Variants in RBFOX1 observed in about 807,000 individuals in gnomAD.
RBFOX1 encodes RNA binding fox-1 homolog 1, also known as RNA binding protein fox-1 homolog 1.
Under a neutral mutation model 57.7 loss-of-function variants are expected in RBFOX1, and 8 were observed. That is an observed-to-expected ratio of 0.14 (90% CI 0.08 to 0.25). The LOEUF (loss-of-function observed/expected upper bound fraction) is 0.25, where lower values mean the gene tolerates loss of function less well. Ranked by LOEUF, RBFOX1 falls within the 10% of genes least tolerant of loss-of-function variation. RBFOX1 has a pLI of 1.00. For synonymous variants in RBFOX1, 326 were observed against 222.4 expected, an observed-to-expected ratio of 1.47 and a Z score of -4.15; for missense variants, 611 against 548.5, an observed-to-expected ratio of 1.11 and a Z score of -1.14.
intron 2 of RBFOX1, among the ~76,000 whole-genome samples, chr16:6,337,040 A>C (rs904824807): frequency 6.6e-6 from 1 of 152,214 alleles, no homozygotes; most frequent in Admixed American, 6.5e-5. Flanking sequence ...AGCATTTTTC[A>C]ATCTGACCCA....
chr16:7,005,752 G>T (rs968735895), intron 3 of RBFOX1, among the ~76,000 whole-genome samples: 5 of 152,192 alleles, frequency 3.3e-5, no homozygotes, highest in Non-Finnish European at 7.3e-5. Context: ...TCTGAACTCA[G>T]TCCAAAACAT....
At chr16:5,358,942 C>T (rs1028116429) in intron 1 of RBFOX1, among the ~76,000 whole-genome samples, 3 of 152,194 alleles carry the variant, frequency 2.0e-5, no homozygotes, top group Admixed American at 6.5e-5. Flanking sequence ...TTATTCCTCC[C>T]CACCTCTCCC....
intron 3 of RBFOX1, among the ~76,000 whole-genome samples, chr16:7,016,692 C>G (rs187137062): frequency 2.0e-5 from 3 of 152,176 alleles, no homozygotes; most frequent in Non-Finnish European, 2.9e-5. Context: ...TCACATGTGA[C>G]TGATGCCTAT....
At chr16:6,872,548 T>G (rs558668785) in intron 3 of RBFOX1, among the ~76,000 whole-genome samples, 56 of 152,298 alleles carry the variant, frequency 3.7e-4, no homozygotes, top group African/African-American at 1.2e-3. Context: ...CTGTTTATAT[T>G]GGAAACATTC....
chr16:6,268,274 C>T (rs1167019724), intron 1 of RBFOX1, among the ~76,000 whole-genome samples: 1 of 152,116 alleles, frequency 6.6e-6, no homozygotes, highest in Admixed American at 6.5e-5. Flanking sequence ...AACTCATTTC[C>T]CTGCTAGCAG....
intron 3 of RBFOX1, among the ~76,000 whole-genome samples, chr16:5,863,249 A>G (rs2057268054): frequency 6.6e-6 from 1 of 152,202 alleles, no homozygotes; most frequent in Non-Finnish European, 1.5e-5. Flanking sequence ...AAGGGAAATG[A>G]TTAAAGGGAT....
intron 3 of RBFOX1, among the ~76,000 whole-genome samples, chr16:5,849,256 C>T (rs371240594): frequency 6.6e-6 from 1 of 152,058 alleles, no homozygotes; most frequent in Non-Finnish European, 1.5e-5. Context: ...ACTTTAAGGA[C>T]GATGGAGTGC....
chr16:7,006,703 C>T (rs533165944), intron 3 of RBFOX1, among the ~76,000 whole-genome samples: 1 of 152,312 alleles, frequency 6.6e-6, no homozygotes, highest in South Asian at 2.1e-4. Flanking sequence ...CTTCCTTGGT[C>T]TCCCAATGTG....
chr16:6,982,292 C>A (rs946379271), intron 3 of RBFOX1, among the ~76,000 whole-genome samples: 1 of 152,166 alleles, frequency 6.6e-6, no homozygotes, highest in Non-Finnish European at 1.5e-5. Context: ...GATTGACCTA[C>A]ATTATTCCAT....
At chr16:5,832,072 T>G (rs1019982324) in intron 3 of RBFOX1, among the ~76,000 whole-genome samples, 1 of 152,158 alleles carries the variant, frequency 6.6e-6, no homozygotes, top group Non-Finnish European at 1.5e-5. Context: ...CAGGACCCTG[T>G]GTTGAGGAGG....
intron 2 of RBFOX1, among the ~76,000 whole-genome samples, chr16:5,517,567 T>C (rs969459818): frequency 1.3e-5 from 2 of 152,198 alleles, no homozygotes; most frequent in African/African-American, 4.8e-5. Context: ...CCACTGTGAA[T>C]GGTGATTTTA....
chr16:5,587,000 C>T (rs1357397218), intron 2 of RBFOX1, among the ~76,000 whole-genome samples: 1 of 152,150 alleles, frequency 6.6e-6, no homozygotes, highest in East Asian at 1.9e-4. Flanking sequence ...CTTCCCAGAG[C>T]AAATCCTGAA....
chr16:7,542,251 A>C (rs2083151466), intron 5 of RBFOX1, among the ~76,000 whole-genome samples: 1 of 152,118 alleles, frequency 6.6e-6, no homozygotes, highest in Non-Finnish European at 1.5e-5. Flanking sequence ...AATTCCTTTT[A>C]AATATCTAGG....
At chr16:5,811,212 G>T (rs1356509491) in intron 3 of RBFOX1, among the ~76,000 whole-genome samples, 2 of 129,734 alleles carry the variant, frequency 1.5e-5, no homozygotes, top group Non-Finnish European at 3.0e-5. Context: ...GTGCGATCTC[G>T]GCTCACTGCA....
At chr16:6,427,312 T>C (rs144104403) in intron 2 of RBFOX1, among the ~76,000 whole-genome samples, 2 of 152,334 alleles carry the variant, frequency 1.3e-5, no homozygotes, top group African/African-American at 2.4e-5. Flanking sequence ...CGTCATCTTA[T>C]GTTTACATTA....
chr16:7,332,999 A>G, intron 4 of RBFOX1: 1 of 1,613,638 alleles, frequency 6.2e-7, no homozygotes, highest in East Asian at 2.2e-5. Flanking sequence ...CTCTACGTAA[A>G]GCATGCTGGC....
At chr16:5,710,294 G>A (rs960445134) in intron 3 of RBFOX1, among the ~76,000 whole-genome samples, 1 of 152,160 alleles carries the variant, frequency 6.6e-6, no homozygotes, top group Non-Finnish European at 1.5e-5. Flanking sequence ...CTAGAGCGAG[G>A]CTTGGCAACC....
chr16:7,250,359 C>G (rs550947283), intron 4 of RBFOX1, among the ~76,000 whole-genome samples: 1 of 152,266 alleles, frequency 6.6e-6, no homozygotes, highest in East Asian at 1.9e-4. Context: ...TGGATGCTGA[C>G]ACAATGATTA....
chr16:7,249,005 A>G (rs758508598), intron 4 of RBFOX1, among the ~76,000 whole-genome samples: 22 of 152,152 alleles, frequency 1.4e-4, no homozygotes, highest in Admixed American at 6.6e-5. Flanking sequence ...TGCAAGACTG[A>G]GAGTGGGAGC....
Sources: allele counts gnomAD v4.1 joint callset (sites outside exome capture counted in the v4.1 genomes callset), GRCh38; gene constraint gnomAD v4.1.1; transcripts MANE v1.5; gene names NCBI Gene and HGNC (gene_info 2026-07-23, HGNC 2026-07-21).